Variants in NMD3 observed in about 807,000 individuals in gnomAD.
NMD3 encodes the protein 60S ribosomal export protein NMD3.
Under a neutral mutation model 73.1 loss-of-function variants are expected in NMD3, and 47 were observed. The ratio of observed to expected loss-of-function variants is 0.64; its 90% CI spans 0.51 to 0.82. NMD3 has a LOEUF of 0.82. NMD3 is among the 40% of genes least tolerant of loss of function. The pLI is 0.00. For synonymous variants in NMD3, 210 were observed against 194.5 expected (o/e 1.08, Z -0.66); for missense variants, 554 against 612.5 (o/e 0.90, Z 1.01).
rs1737409844 is a variant in NMD3 at position 161,249,862 on chromosome 3, C to T, written c.1310+302C>T. ...TGGGCATACCTTCTGAGAAATGCAT[C>T]ATTAGGTGATTTTGTTGTGTGAGCA... is the stretch of plus-strand genomic sequence containing the variant. On this transcript the variant is annotated intron_variant, in intron 14 of 15. Coordinates refer to ENST00000351193, the MANE Select transcript of NMD3 (RefSeq NM_015938.5). 2.0e-5 allele frequency among the ~76,000 whole-genome samples: 3 copies of T among 152,228 alleles called. No individual in the cohort carries two copies. In the South Asian group the frequency reaches 6.2e-4, roughly 32 times the overall value.
At chr3:161,228,407 G>C (rs1015513907) in intron 4 of NMD3, among the ~76,000 whole-genome samples, 3 of 151,570 alleles carry the variant, frequency 2.0e-5, no homozygotes, top group Non-Finnish European at 2.9e-5. Flanking sequence ...TCTGTTCTTG[G>C]TGATTTTTAC....
In NMD3 at chr3:161,234,363, G is replaced by T. The variant is rs190670265; in HGVS notation, c.358-364G>T. ...AATCACTTGAGCCCAGGAGGCAGAA[G>T]TTGCAGTGAACCAAGATCGTGCCAC... On this transcript the variant is annotated intron_variant, in intron 5 of 15. Coordinates refer to ENST00000351193, the MANE Select transcript of NMD3 (RefSeq NM_015938.5). Among the ~76,000 whole-genome samples, 60 of 151,762 alleles carry T rather than the reference G, an allele frequency of 4.0e-4. 1 individual carries two copies. The highest frequency in any genetic ancestry group is 1.4e-3 in the African/African-American group (59 of 41,422).
intron 3 of NMD3, among the ~76,000 whole-genome samples, chr3:161,225,674 A>C (rs1224580748): frequency 6.6e-6 from 1 of 152,204 alleles, no homozygotes; most frequent in Non-Finnish European, 1.5e-5. Flanking sequence ...AAAACTGCCT[A>C]ATGAGTGTAA....
chr3:161,245,350 A>G (rs982446885), intron 11 of NMD3, among the ~76,000 whole-genome samples: 1 of 151,922 alleles, frequency 6.6e-6, no homozygotes, highest in African/African-American at 2.4e-5. Context: ...CAGATACTGT[A>G]TTTTCTTGGT....
chr3:161,231,971 A>G (rs1017953394), intron 4 of NMD3, among the ~76,000 whole-genome samples: 7 of 149,802 alleles, frequency 4.7e-5, no homozygotes, highest in Non-Finnish European at 1.0e-4. Context: ...ACTATGGTAA[A>G]GAAAGAAAGG....
chr3:161,228,572 C>T (rs1224655393), intron 4 of NMD3, among the ~76,000 whole-genome samples: 2 of 151,484 alleles, frequency 1.3e-5, no homozygotes, highest in Non-Finnish European at 2.9e-5. Context: ...TCATTTGTCT[C>T]TGTTTTTTTA....
chr3:161,221,714 T>TTGGA (rs1736090442), intron 1 of NMD3: 1 of 256,472 alleles, frequency 3.9e-6, no homozygotes, highest in Non-Finnish European at 7.5e-6. Flanking sequence ...TCGTCCAGGG[T>TTGGA]TGGAGCCCAG....
At position 161,238,029 on chromosome 3, in the gene NMD3, T is replaced by C. The variant is rs1286499652; in HGVS notation, c.578-84T>C. 8.0e-6 allele frequency: 7 copies of C among 878,840 alleles called. No homozygotes were observed. In the African/African-American group the frequency reaches 1.2e-4, roughly 15 times the overall value. 54.4% of individuals were successfully genotyped at this position (878,840 alleles called of 1,614,324 possible). A position where few individuals can be genotyped will look rare whatever the true frequency, so the allele number is the denominator to read the frequency against. On this transcript the variant is annotated intron_variant, in intron 7 of 15. Transcript: ENST00000351193. ...ATAATTTGATTTTGTTTAAAACAGATGTAATTTATAATATAGTCATGTTAG... is the reference window on the plus strand; with the variant it reads ...ATAATTTGATTTTGTTTAAAACAGACGTAATTTATAATATAGTCATGTTAG...
rs202051193 is a variant in NMD3 at position 161,250,920 on chromosome 3, G to A, written c.*10G>A. ...ATCAATGCTGACATAATGAGATGTT[G>A]TAGACTGTTTCCATACATGGGCTTA... On this transcript the variant is annotated 3_prime_UTR_variant, in exon 16 of 16. Coordinates refer to ENST00000351193, the MANE Select transcript of NMD3 (RefSeq NM_015938.5). The A allele has an allele frequency of 6.2e-7, 1 of 1,608,312 alleles. No individual in the cohort carries two copies. Among genetic ancestry groups the A allele is most frequent in the Non-Finnish European group, 8.5e-7 (1 of 1,176,558 alleles).
Position 161,250,303 on chromosome 3 carries a change from G to A in NMD3, c.1358G>A (p.Arg453Gln), listed in dbSNP as rs1737430895. The A allele has an allele frequency of 5.0e-6, 8 of 1,602,990 alleles. No homozygotes were observed. Among genetic ancestry groups the A allele is most frequent in the Non-Finnish European group, 6.8e-6 (8 of 1,170,976 alleles). The change falls in exon 15 of 16, where the codon CGA (arginine) becomes CAA (glutamine). Residue 453 changes from arginine (R) to glutamine (Q), a missense_variant. Physicochemically the swap from Arg to Gln is conservative, Grantham distance 43. Coordinates refer to ENST00000351193, the MANE Select transcript of NMD3 (RefSeq NM_015938.5). ...LEDLEEDEAI[R>Q]KNVNIYRDSA... ...GATCTTGAAGAAGATGAGGCAATTC[G>A]AAAAAATGTCAACATTTACAGAGGT...
At chr3:161,237,514 C>T (rs1736802065) in intron 7 of NMD3, among the ~76,000 whole-genome samples, 1 of 148,132 alleles carries the variant, frequency 6.8e-6, no homozygotes, top group Admixed American at 6.7e-5. Context: ...GTAGATTATT[C>T]CATTTATTAC....
chr3:161,233,854 G>C (rs1347021816), intron 5 of NMD3, among the ~76,000 whole-genome samples: 2 of 152,120 alleles, frequency 1.3e-5, no homozygotes, highest in Non-Finnish European at 2.9e-5. Flanking sequence ...AAATGCTTGG[G>C]ACAAGAAGTG....
intron 2 of NMD3, among the ~76,000 whole-genome samples, chr3:161,224,441 T>C (rs1736227596): frequency 6.6e-6 from 1 of 152,202 alleles, no homozygotes; most frequent in Non-Finnish European, 1.5e-5. Context: ...GCCCCTGTAT[T>C]ACAGGGTTAT....
chr3:161,236,300 A>G (rs1008556039), intron 7 of NMD3, among the ~76,000 whole-genome samples: 8 of 152,086 alleles, frequency 5.3e-5, no homozygotes, highest in African/African-American at 1.9e-4. Flanking sequence ...TGGCTGTACC[A>G]TTTTACATTC....
intron 12 of NMD3, 80 bp from the exon 13 acceptor site, chr3:161,247,178 G>A: frequency 1.2e-6 from 1 of 838,490 alleles, no homozygotes; most frequent in Admixed American, 2.0e-5. Context: ...TTTTTAGGAA[G>A]TTTTAGGTGA....
intron 10 of NMD3, among the ~76,000 whole-genome samples, chr3:161,242,264 C>G (rs896496516): frequency 6.6e-6 from 1 of 152,018 alleles, no homozygotes; most frequent in African/African-American, 2.4e-5. Flanking sequence ...GCACTTAGCC[C>G]TGTGGCATTC....
chr3:161,225,043 C>G lies in NMD3; in HGVS notation c.158C>G (p.Ser53Trp). ...SQGIPKQVSISFCKQCQRYFQ... is the reference protein window; with the variant it reads ...SQGIPKQVSIWFCKQCQRYFQ... The stretch of plus-strand genomic sequence containing the variant: ...GGTATTCCGAAACAAGTCTCGATTT[C>G]GTTCTGCAAACAATGTCAAAGGTAC... The change falls in exon 3 of 16, where the codon TCG (serine) becomes TGG (tryptophan). Residue 53 changes from serine to tryptophan, a missense_variant. Physicochemically the swap from Ser to Trp is radical, Grantham distance 177 (BLOSUM62 -3). Transcript: ENST00000351193. 1 of 1,613,714 alleles carries G rather than the reference C, an allele frequency of 6.2e-7. No homozygotes were observed. The highest frequency in any genetic ancestry group is 8.5e-7 in the Non-Finnish European group (1 of 1,179,928).
chr3:161,236,138 C>G (rs925896007), intron 7 of NMD3, among the ~76,000 whole-genome samples: 1 of 152,010 alleles, frequency 6.6e-6, no homozygotes, highest in Non-Finnish European at 1.5e-5. Context: ...GTACTTATAG[C>G]TACCTTTTTC....
chr3:161,235,878 GTTT>G (rs1736736458), intron 7 of NMD3, among the ~76,000 whole-genome samples: 1 of 151,934 alleles, frequency 6.6e-6, no homozygotes. Context: ...TGTTCCTAAT[GTTT>G]ATCTTTTCTC....
Sources: allele counts gnomAD v4.1 joint callset (sites outside exome capture counted in the v4.1 genomes callset), GRCh38; gene constraint gnomAD v4.1.1; transcripts MANE v1.5; gene names NCBI Gene and HGNC (gene_info 2026-07-23, HGNC 2026-07-21).